The following GALNT13 variants were observed in gnomAD, a reference collection of about 807,000 sequenced individuals.
GALNT13 encodes the protein polypeptide N-acetylgalactosaminyltransferase 13, also known as UDP-GalNAc:polypeptide N-acetylgalactosaminyltransferase 13.
GALNT13 carries 28 observed loss-of-function variants against 64.2 expected under a neutral mutation model. The ratio of observed to expected loss-of-function variants is 0.44; its 90% CI spans 0.32 to 0.60. The LOEUF (loss-of-function observed/expected upper bound fraction) is 0.60, where lower values mean the gene tolerates loss of function less well. GALNT13 is among the 20% of genes least tolerant of loss of function. The pLI is 0.05. For synonymous variants in GALNT13, 214 were observed against 224.6 expected, an observed-to-expected ratio of 0.95 and a Z score of 0.42; for missense variants, 577 against 669.8, an observed-to-expected ratio of 0.86 and a Z score of 1.53.
Position 154,409,102 on chromosome 2 carries a change from C to G in GALNT13, c.1395+20C>G. On this transcript the variant is annotated intron_variant, in intron 11 of 12. Transcript: ENST00000392825. ...AATCAGGTAAACTCTCCCTTTTTAT[C>G]AGCTTCATGTTTTAGAGGGAAAATA... The G allele has an allele frequency of 1.4e-6, 2 of 1,449,324 alleles. No individual in the cohort carries two copies. 89.8% of individuals were successfully genotyped at this position (1,449,324 alleles called of 1,614,324 possible).
chr2:154,088,672 C>T (rs950879491), intron 3 of GALNT13, among the ~76,000 whole-genome samples: 3 of 152,066 alleles, frequency 2.0e-5, no homozygotes, highest in Non-Finnish European at 2.9e-5. Context: ...ATGCTGGTCT[C>T]GAACTCCTGA....
At chr2:153,611,609 C>T in the GALNT13 span, among the ~76,000 whole-genome samples, 1 of 151,456 alleles carries the variant, frequency 6.6e-6, no homozygotes, top group Non-Finnish European at 1.5e-5. Context: ...GATCTGCCTT[C>T]CTCAGCCTTC....
intron 4 of GALNT13, among the ~76,000 whole-genome samples, chr2:154,214,924 A>T (rs1687965082): frequency 6.6e-6 from 1 of 152,308 alleles, no homozygotes; most frequent in Non-Finnish European, 1.5e-5. Flanking sequence ...GGATTCACAG[A>T]TGACATGAAT....
At chr2:154,213,612 G>GT (rs1687891335) in intron 4 of GALNT13, among the ~76,000 whole-genome samples, 2 of 148,024 alleles carry the variant, frequency 1.4e-5, no homozygotes, top group Admixed American at 1.3e-4. Context: ...TGCTTAGAGA[G>GT]TGAAAAAAAA....
chr2:153,658,306 T>G, the GALNT13 span, among the ~76,000 whole-genome samples: 90 of 152,288 alleles, frequency 5.9e-4, no homozygotes, highest in African/African-American at 2.1e-3. Context: ...CACATCCCAC[T>G]TCTGCCAATG....
At chr2:153,299,948 G>A in the GALNT13 span, among the ~76,000 whole-genome samples, 2 of 152,024 alleles carry the variant, frequency 1.3e-5, no homozygotes, top group African/African-American at 4.8e-5. Flanking sequence ...ACATCATCCC[G>A]TGGTGCCGAG....
At chr2:153,711,416 G>T in the GALNT13 span, among the ~76,000 whole-genome samples, 7 of 151,922 alleles carry the variant, frequency 4.6e-5, no homozygotes, top group Admixed American at 3.3e-4. Flanking sequence ...GCTCAGTACC[G>T]TGTACTAGGA....
the GALNT13 span, among the ~76,000 whole-genome samples, chr2:153,479,181 T>TGCACCTCTG: frequency 6.6e-6 from 1 of 152,156 alleles, no homozygotes; most frequent in Admixed American, 6.5e-5. Flanking sequence ...GAATGGAAAG[T>TGCACCTCTG]GGCGATGAAT....
At chr2:154,055,091 T>C (rs773727258) in intron 3 of GALNT13, among the ~76,000 whole-genome samples, 1 of 152,152 alleles carries the variant, frequency 6.6e-6, no homozygotes, top group Non-Finnish European at 1.5e-5. Flanking sequence ...GTTCAATAAA[T>C]CCTACATAAT....
At chr2:153,188,070 G>C in the GALNT13 span, among the ~76,000 whole-genome samples, 8 of 151,894 alleles carry the variant, frequency 5.3e-5, no homozygotes, top group Middle Eastern at 3.5e-3. Context: ...ATCTAATAAA[G>C]AGTATATATA....
chr2:153,838,587 C>T, the GALNT13 span, among the ~76,000 whole-genome samples: 2 of 151,652 alleles, frequency 1.3e-5, no homozygotes, highest in South Asian at 2.1e-4. Flanking sequence ...TTTTATTTTC[C>T]TTTATTTTGA....
intron 3 of GALNT13, among the ~76,000 whole-genome samples, chr2:154,029,126 G>A (rs1451385280): frequency 1.3e-5 from 2 of 149,112 alleles, no homozygotes; most frequent in Non-Finnish European, 3.0e-5. Context: ...TTTCTCCATA[G>A]ACTTCAATGT....
At chr2:153,728,720 G>C in the GALNT13 span, among the ~76,000 whole-genome samples, 2 of 151,868 alleles carry the variant, frequency 1.3e-5, no homozygotes, top group African/African-American at 4.8e-5. Flanking sequence ...GTGTTTTGAA[G>C]ATTAACAAAA....
the GALNT13 span, among the ~76,000 whole-genome samples, chr2:153,321,044 T>C: frequency 2.0e-5 from 3 of 152,298 alleles, no homozygotes; most frequent in South Asian, 4.1e-4. Flanking sequence ...CCATGGTTAC[T>C]GTTTTGAGTG....
At chr2:153,652,608 C>G in the GALNT13 span, among the ~76,000 whole-genome samples, 3 of 152,038 alleles carry the variant, frequency 2.0e-5, no homozygotes, top group African/African-American at 7.2e-5. Flanking sequence ...GAGTGAGACT[C>G]TGTCTCAAAA....
chr2:153,561,732 G>C, the GALNT13 span, among the ~76,000 whole-genome samples: 1 of 151,124 alleles, frequency 6.6e-6, no homozygotes, highest in South Asian at 2.1e-4. Flanking sequence ...TACAATTGAA[G>C]ATGCTAGGTA....
chr2:154,000,395 T>C (rs939730243), intron 3 of GALNT13, among the ~76,000 whole-genome samples: 17 of 152,170 alleles, frequency 1.1e-4, no homozygotes, highest in African/African-American at 3.6e-4. Context: ...GCTATAACAT[T>C]AGGTTGTTTA....
At chr2:154,117,225 C>T (rs1681630518) in intron 3 of GALNT13, among the ~76,000 whole-genome samples, 1 of 152,100 alleles carries the variant, frequency 6.6e-6, no homozygotes. Context: ...GCAACACCCT[C>T]ACAGACACAC....
chr2:154,453,362 A>G lies in GALNT13; in HGVS notation c.*2811A>G, dbSNP rs1225491885. ...CACACATACATACACATGCACACACACACACATGCAATTCTACCTTTTTCT... is the reference window on the plus strand; with the variant it reads ...CACACATACATACACATGCACACACGCACACATGCAATTCTACCTTTTTCT... On this transcript the variant is annotated 3_prime_UTR_variant, in exon 13 of 13. Coordinates refer to ENST00000392825, the MANE Select transcript of GALNT13 (RefSeq NM_052917.4). The G allele has an allele frequency of 6.6e-6, 1 of 152,180 alleles. No homozygotes were observed. The highest frequency in any genetic ancestry group is 1.5e-5 in the Non-Finnish European group (1 of 68,150). The allele number at this position is 152,180 out of a possible 1,614,324, so 9.4% of individuals were successfully genotyped here. A position where few individuals can be genotyped will look rare whatever the true frequency, so the allele number is the denominator to read the frequency against.
Sources: gnomAD v4.1 joint callset for allele counts (sites outside exome capture counted in the v4.1 genomes callset) on GRCh38, gnomAD v4.1.1 for gene constraint, MANE v1.5 for transcripts, NCBI Gene and HGNC (gene_info 2026-07-23, HGNC 2026-07-21) for gene names.